The following MACROD2 variants were observed in gnomAD, a reference collection of about 807,000 sequenced individuals.
The protein encoded by MACROD2 is mono-ADP ribosylhydrolase 2.
In MACROD2, 36 loss-of-function variants were observed where a neutral mutation model predicts 70.4. The ratio of observed to expected loss-of-function variants is 0.51; its 90% CI spans 0.39 to 0.68. The LOEUF (loss-of-function observed/expected upper bound fraction) is 0.68, where lower values mean the gene tolerates loss of function less well. Among genes scored for constraint, MACROD2 ranks in the 30% least tolerant of loss-of-function variants. The pLI, the probability that MACROD2 is intolerant of heterozygous loss-of-function variation, is 0.00. For missense variants in MACROD2, 496 were observed against 538.4 expected, an observed-to-expected ratio of 0.92 and a Z score of 0.78; for synonymous variants, 172 against 178.8, an observed-to-expected ratio of 0.96 and a Z score of 0.30.
intron 8 of MACROD2, among the ~76,000 whole-genome samples, chr20:15,732,225 TCTTTA>T (rs1002570398): frequency 2.6e-5 from 4 of 151,944 alleles, no homozygotes; most frequent in African/African-American, 7.2e-5. Flanking sequence ...CTAGGATATC[TCTTTA>T]CTTTAAAGCC....
At position 15,657,719 on chromosome 20, in the gene MACROD2, G is replaced by A. The variant is rs151087422; in HGVS notation, c.645+157872G>A. 5.9e-3 allele frequency among the ~76,000 whole-genome samples: 894 copies of A among 152,296 alleles called. 11 individuals are homozygous for A. The highest frequency in any genetic ancestry group is 0.018 in the African/African-American group (759 of 41,564). On this transcript the variant is annotated intron_variant, in intron 8 of 17. Coordinates refer to ENST00000684519, the MANE Select transcript of MACROD2 (RefSeq NM_001351661.2). ...CTTAATAATTAGCTTCAGGCTGGGCGTGGTGGCTCACGCCTGTAATCCCAG... is the reference window on the plus strand; with the variant it reads ...CTTAATAATTAGCTTCAGGCTGGGCATGGTGGCTCACGCCTGTAATCCCAG...
At chr20:14,903,552 G>T (rs2073922948) in intron 5 of MACROD2, among the ~76,000 whole-genome samples, 1 of 144,444 alleles carries the variant, frequency 6.9e-6, no homozygotes, top group Admixed American at 7.2e-5. Context: ...CTATAATTTT[G>T]TTAGTTTTAA....
At chr20:14,828,952 C>T (rs1446478746) in intron 5 of MACROD2, among the ~76,000 whole-genome samples, 1 of 144,714 alleles carries the variant, frequency 6.9e-6, no homozygotes, top group Non-Finnish European at 1.5e-5. Context: ...ACTATTTTTT[C>T]CTTCTTTTTT....
chr20:15,853,531 G>A (rs2064323274), intron 8 of MACROD2, among the ~76,000 whole-genome samples: 1 of 152,188 alleles, frequency 6.6e-6, no homozygotes. Context: ...AATCAACACT[G>A]AGAAGGAGTT....
intron 8 of MACROD2, among the ~76,000 whole-genome samples, chr20:15,569,399 A>T (rs2048348007): frequency 6.6e-6 from 1 of 152,200 alleles, no homozygotes; most frequent in Non-Finnish European, 1.5e-5. Context: ...TTGTGGTAAG[A>T]ACACATAACT....
chr20:14,198,531 A>G (rs988426999), intron 3 of MACROD2, among the ~76,000 whole-genome samples: 1 of 152,204 alleles, frequency 6.6e-6, no homozygotes, highest in Admixed American at 6.5e-5. Flanking sequence ...GTTATTCATC[A>G]AATGGACACA....
intron 15 of MACROD2, among the ~76,000 whole-genome samples, chr20:16,013,638 G>A (rs1285597013): frequency 4.6e-5 from 7 of 152,110 alleles, no homozygotes; most frequent in East Asian, 1.9e-4. Context: ...CCATGGCCAC[G>A]TTCTTCCATT....
intron 6 of MACROD2, among the ~76,000 whole-genome samples, chr20:15,395,182 G>T (rs1385133127): frequency 6.6e-6 from 1 of 152,182 alleles, no homozygotes; most frequent in African/African-American, 2.4e-5. Flanking sequence ...CCCTGCCACA[G>T]TCTACCCACT....
chr20:14,562,234 G>C (rs1979483935), intron 4 of MACROD2, among the ~76,000 whole-genome samples: 1 of 151,868 alleles, frequency 6.6e-6, no homozygotes, highest in African/African-American at 2.4e-5. Flanking sequence ...CATGGAAAGA[G>C]ATTTGGAAAC....
At chr20:14,300,051 G>C (rs1200833203) in intron 3 of MACROD2, among the ~76,000 whole-genome samples, 1 of 152,036 alleles carries the variant, frequency 6.6e-6, no homozygotes, top group African/African-American at 2.4e-5. Context: ...CCCATCCATA[G>C]CTTTTTACCT....
rs149130797 is a variant in MACROD2 at position 14,394,665 on chromosome 20, G to A, written c.272-98814G>A. Among the ~76,000 whole-genome samples, 666 of 152,280 alleles carry A rather than the reference G, an allele frequency of 4.4e-3. 2 individuals carry two copies. Among genetic ancestry groups the A allele is most frequent in the East Asian group, 0.01 (53 of 5,170 alleles). ...CGGTGTGAGGAGACATCCTTGCCTTGTTCCTAATCTCAGGGGTAAAGCTTT... is the reference window on the plus strand; with the variant it reads ...CGGTGTGAGGAGACATCCTTGCCTTATTCCTAATCTCAGGGGTAAAGCTTT... On this transcript the variant is annotated intron_variant, in intron 3 of 17. Transcript: ENST00000684519.
At chr20:14,791,023 C>G (rs1220047086) in intron 5 of MACROD2, among the ~76,000 whole-genome samples, 3 of 152,208 alleles carry the variant, frequency 2.0e-5, no homozygotes, top group Non-Finnish European at 4.4e-5. Context: ...TTCCAAAGGA[C>G]AGAGAGGCAG....
At chr20:14,698,717 C>A (rs1164187263) in intron 5 of MACROD2, among the ~76,000 whole-genome samples, 2 of 150,684 alleles carry the variant, frequency 1.3e-5, no homozygotes, top group Non-Finnish European at 3.0e-5. Flanking sequence ...TGTGAATGAG[C>A]AAATATGTGC....
At chr20:15,087,405 C>T (rs2075756837) in intron 5 of MACROD2, among the ~76,000 whole-genome samples, 1 of 151,954 alleles carries the variant, frequency 6.6e-6, no homozygotes, top group African/African-American at 2.4e-5. Flanking sequence ...CAGGCATAGA[C>T]CCAAGTTTGC....
chr20:15,630,910 C>G (rs1166227446), intron 8 of MACROD2, among the ~76,000 whole-genome samples: 1 of 152,166 alleles, frequency 6.6e-6, no homozygotes, highest in Non-Finnish European at 1.5e-5. Context: ...AAAATCGATT[C>G]CAACAGAACT....
In MACROD2 at chr20:14,697,321, A is replaced by C. The variant is rs75531908; in HGVS notation, c.418+12362A>C. On this transcript the variant is annotated intron_variant, in intron 5 of 17. Coordinates refer to ENST00000684519, the MANE Select transcript of MACROD2 (RefSeq NM_001351661.2). Reference sequence around the variant, plus strand: ...GAACGATGCCAGATTGAGAAACCCCACATCAAAATATATCCAACAAAATGG... The same window carrying C: ...GAACGATGCCAGATTGAGAAACCCCCCATCAAAATATATCCAACAAAATGG... Among the ~76,000 whole-genome samples the C allele has an allele frequency of 8.3e-3, 1,269 of 152,350 alleles. 15 individuals carry two copies. The highest frequency in any genetic ancestry group is 0.029 in the African/African-American group (1,213 of 41,572).
intron 3 of MACROD2, among the ~76,000 whole-genome samples, chr20:14,104,587 A>G (rs1466846783): frequency 6.6e-6 from 1 of 152,178 alleles, no homozygotes; most frequent in Non-Finnish European, 1.5e-5. Flanking sequence ...GAGTTCACTC[A>G]GGACAGTTTT....
At chr20:14,360,910 A>G (rs935198384) in intron 3 of MACROD2, among the ~76,000 whole-genome samples, 11 of 152,218 alleles carry the variant, frequency 7.2e-5, no homozygotes, top group African/African-American at 2.7e-4. Context: ...GAAGTCTTGG[A>G]TTTGCAGAAG....
chr20:15,035,842 A>G (rs1001514607), intron 5 of MACROD2, among the ~76,000 whole-genome samples: 3 of 151,960 alleles, frequency 2.0e-5, no homozygotes, highest in Non-Finnish European at 2.9e-5. Flanking sequence ...TTTCCTAGCC[A>G]TGGGTATTTT....
Sources: gnomAD v4.1 joint callset for allele counts (sites outside exome capture counted in the v4.1 genomes callset) on GRCh38, gnomAD v4.1.1 for gene constraint, MANE v1.5 for transcripts, NCBI Gene and HGNC (gene_info 2026-07-23, HGNC 2026-07-21) for gene names.